Variants in MCPH1 observed in about 807,000 individuals in gnomAD.
MCPH1 encodes microcephalin 1, also known as microcephalin.
MCPH1 carries 104 observed loss-of-function variants against 84.5 expected under a neutral mutation model. That is an observed-to-expected ratio of 1.23 (90% confidence interval 1.05 to 1.45). MCPH1 has a LOEUF of 1.45. MCPH1 is among the 40% of genes most tolerant of loss of function. MCPH1 has a pLI of 0.00. For missense variants in MCPH1, 1,498 were observed against 1,005.7 expected (o/e 1.49, Z -6.62); for synonymous variants, 514 against 366.8 (o/e 1.40, Z -4.58).
rs58644815 is a variant in MCPH1, at chr8:6,506,770, G to A, written c.2214+6841G>A. On this transcript the variant is annotated intron_variant, in intron 12 of 13. Transcript: ENST00000344683. ...AGTAGTCATATTATCTCAGGAACCAGAGGATTGCTTTTTTTTTTTTTTTAA... is the reference window on the plus strand; with the variant it reads ...AGTAGTCATATTATCTCAGGAACCAAAGGATTGCTTTTTTTTTTTTTTTAA... 5.3e-5 allele frequency among the ~76,000 whole-genome samples: 8 copies of A among 151,070 alleles called. No individual in the cohort carries two copies. The East Asian group carries it at 1.4e-3, about 26-fold the overall frequency.
At chr8:6,575,296 T>C (rs1278648616) in intron 12 of MCPH1, among the ~76,000 whole-genome samples, 3 of 152,206 alleles carry the variant, frequency 2.0e-5, no homozygotes, top group Non-Finnish European at 4.4e-5. Flanking sequence ...ATAAATTGCA[T>C]AAAGCTTAGC....
intron 13 of MCPH1, chr8:6,625,087 C>A (rs1251819878): frequency 1.5e-6 from 1 of 659,480 alleles, no homozygotes; most frequent in Non-Finnish European, 1.9e-6. Context: ...GTTGGCCAGG[C>A]TGGTCTCAAA....
chr8:6,518,022 A>G (rs1456433785), intron 12 of MCPH1, among the ~76,000 whole-genome samples: 1 of 152,186 alleles, frequency 6.6e-6, no homozygotes, highest in African/African-American at 2.4e-5. Context: ...CCTGAGGCTC[A>G]TATAATCCCA....
At chr8:6,561,672 A>AT (rs1825562447) in intron 12 of MCPH1, among the ~76,000 whole-genome samples, 1 of 152,250 alleles carries the variant, frequency 6.6e-6, no homozygotes. Flanking sequence ...CTACTTAACA[A>AT]TTAATTTATG....
At chr8:6,488,799 A>G (rs1810240919) in intron 11 of MCPH1, among the ~76,000 whole-genome samples, 1 of 152,116 alleles carries the variant, frequency 6.6e-6, no homozygotes, top group African/African-American at 2.4e-5. Context: ...TCAGCAAAGA[A>G]TGGATTGCAG....
chr8:6,449,233 C>A (rs1037525012), intron 8 of MCPH1, among the ~76,000 whole-genome samples: 1 of 152,198 alleles, frequency 6.6e-6, no homozygotes, highest in Non-Finnish European at 1.5e-5. Flanking sequence ...CTCTTAGATT[C>A]TTCTCTCGAT....
Position 6,519,183 on chromosome 8 carries a change from C to A in MCPH1, c.2214+19254C>A, listed in dbSNP as rs116958228. On this transcript the variant is annotated intron_variant, in intron 12 of 13. Transcript: ENST00000344683. ...TAGATGAGGTTAGAATCGCCTTCCC[C>A]AGCGGTTCTCATGGTGTGGACCTCA... Among the ~76,000 whole-genome samples the A allele has an allele frequency of 1.4e-4, 22 of 152,306 alleles. No individual in the cohort carries two copies. The East Asian group carries it at 4.0e-3, about 28-fold the overall frequency.
intron 9 of MCPH1, among the ~76,000 whole-genome samples, chr8:6,456,956 C>T (rs1805748052): frequency 6.6e-6 from 1 of 152,066 alleles, no homozygotes; most frequent in Non-Finnish European, 1.5e-5. Flanking sequence ...AGATGGGTAC[C>T]TGTTTGACCT....
At chr8:6,593,065 T>C (rs1172055852) in intron 12 of MCPH1, among the ~76,000 whole-genome samples, 2 of 146,966 alleles carry the variant, frequency 1.4e-5, no homozygotes, top group Non-Finnish European at 3.0e-5. Context: ...TTGGACACTA[T>C]GTTTTTTAGG....
intron 12 of MCPH1, among the ~76,000 whole-genome samples, chr8:6,577,708 T>G (rs574901419): frequency 2.6e-4 from 39 of 152,382 alleles, no homozygotes; most frequent in African/African-American, 8.9e-4. Flanking sequence ...AGCACTACAC[T>G]GTATTATTCT....
chr8:6,646,555 T>C lies in MCPH1; in HGVS notation c.*3506T>C, dbSNP rs1798223871. Reference sequence around the variant, plus strand: ...TGCTGGCAGAAGAAAAAAAAAGTACTTGGATCCTTACCTCACACCATGCAC... The same window carrying C: ...TGCTGGCAGAAGAAAAAAAAAGTACCTGGATCCTTACCTCACACCATGCAC... On this transcript the variant is annotated 3_prime_UTR_variant, in exon 14 of 14. Transcript: ENST00000344683. The C allele has an allele frequency of 6.6e-6, 1 of 152,224 alleles. No homozygotes were observed. Among genetic ancestry groups the C allele is most frequent in the Non-Finnish European group, 1.5e-5 (1 of 68,044 alleles). 9.4% of individuals were successfully genotyped at this position (152,224 alleles called of 1,614,324 possible).
intron 12 of MCPH1, among the ~76,000 whole-genome samples, chr8:6,580,292 G>C (rs1827452938): frequency 6.6e-6 from 1 of 151,742 alleles, no homozygotes; most frequent in Non-Finnish European, 1.5e-5. Flanking sequence ...TGCAGTGTAG[G>C]TCAGCCCTTC....
intron 13 of MCPH1, chr8:6,622,248 C>T (rs1473145869): frequency 3.5e-5 from 6 of 169,236 alleles, no homozygotes; most frequent in Non-Finnish European, 5.2e-5. Flanking sequence ...CATGGAGCTG[C>T]GCCAGGCGCC....
chr8:6,607,768 A>G (rs1401965243), intron 12 of MCPH1, among the ~76,000 whole-genome samples: 1 of 152,190 alleles, frequency 6.6e-6, no homozygotes, highest in Non-Finnish European at 1.5e-5. Context: ...CTGCCATGTA[A>G]GACATGCTGT....
chr8:6,600,043 C>T (rs1052707258), intron 12 of MCPH1, among the ~76,000 whole-genome samples: 6 of 148,518 alleles, frequency 4.0e-5, no homozygotes, highest in African/African-American at 1.6e-4. Context: ...TAACCTTTTC[C>T]CCACAGGAGC....
Position 6,431,452 on chromosome 8 carries a change from A to G in MCPH1, c.234-47A>G, listed in dbSNP as rs772411618. The G allele has an allele frequency of 3.2e-5, 45 of 1,404,512 alleles. No individual in the cohort carries two copies. The South Asian group carries it at 4.5e-4, about 14-fold the overall frequency. 87.0% of individuals were successfully genotyped at this position (1,404,512 alleles called of 1,614,324 possible). A position where few individuals can be genotyped will look rare whatever the true frequency, so the allele number is the denominator to read the frequency against. ...TGCAGATTTAGTGCTGTGTCAATGT[A>G]TAATAGAAGCAAATACTCATTAGAC... On this transcript the variant is annotated intron_variant, in intron 3 of 13. Transcript: ENST00000344683.
In MCPH1 at chr8:6,438,634, A is replaced by C. The variant is rs543068756; in HGVS notation, c.437-319A>C. Among the ~76,000 whole-genome samples the C allele has an allele frequency of 5.9e-5, 9 of 152,294 alleles. No individual in the cohort carries two copies. In the South Asian group the frequency reaches 1.9e-3, roughly 32 times the overall value. ...ATTGCATTCCAGCTTTACAACTTTT[A>C]ACTTCTGTGTCTCAGTCTTTGTCTT... On this transcript the variant is annotated intron_variant, in intron 5 of 13. Transcript: ENST00000344683.
At chr8:6,625,657 C>G in intron 13 of MCPH1, 1 of 985,276 alleles carries the variant, frequency 1.0e-6, no homozygotes, top group Non-Finnish European at 1.2e-6. Flanking sequence ...TTGAGCCGGG[C>G]GTGGTGGCCC....
intron 12 of MCPH1, among the ~76,000 whole-genome samples, chr8:6,590,650 C>T (rs1284685855): frequency 2.0e-5 from 3 of 152,134 alleles, no homozygotes; most frequent in Non-Finnish European, 4.4e-5. Flanking sequence ...TTAAGAAAAA[C>T]ATAAAGGAAA....
Sources: gnomAD v4.1 joint callset for allele counts (sites outside exome capture counted in the v4.1 genomes callset) on GRCh38, gnomAD v4.1.1 for gene constraint, MANE v1.5 for transcripts, NCBI Gene and HGNC (gene_info 2026-07-23, HGNC 2026-07-21) for gene names.